EPHB1: variants seen among roughly 807,000 people sequenced by gnomAD.
EPHB1 encodes the protein EPH receptor B1, also known as ephrin type-B receptor 1.
Under a neutral mutation model 94.4 loss-of-function variants are expected in EPHB1, and 30 were observed. That is an observed-to-expected ratio of 0.32 (90% confidence interval 0.24 to 0.43). EPHB1 has a LOEUF of 0.43. EPHB1 is among the 20% of genes least tolerant of loss of function. The probability of loss-of-function intolerance (pLI) is 1.00; values close to 1 mark genes in which losing one functional copy is unlikely to be tolerated. For missense variants in EPHB1, 1,055 were observed against 1,308.3 expected (o/e 0.81, Z 2.99); for synonymous variants, 522 against 489.1 (o/e 1.07, Z -0.89).
chr3:135,129,487 T>A (rs1347644252), intron 4 of EPHB1, among the ~76,000 whole-genome samples: 3 of 152,168 alleles, frequency 2.0e-5, no homozygotes, highest in African/African-American at 7.2e-5. Flanking sequence ...GCATCCTGTC[T>A]CACGCTGGAG....
chr3:135,169,865 A>G (rs1002706382), intron 9 of EPHB1, among the ~76,000 whole-genome samples: 8 of 152,216 alleles, frequency 5.3e-5, no homozygotes, highest in African/African-American at 1.9e-4. Context: ...TGCAGAGCCC[A>G]TGCTCTTTCC....
chr3:135,167,761 T>G (rs1941690262), intron 9 of EPHB1, among the ~76,000 whole-genome samples: 2 of 152,192 alleles, frequency 1.3e-5, no homozygotes, highest in Non-Finnish European at 2.9e-5. Flanking sequence ...AATAATTCCT[T>G]TTGAATTCGA....
chr3:134,890,968 T>A (rs529421164), intron 1 of EPHB1, among the ~76,000 whole-genome samples: 1 of 152,342 alleles, frequency 6.6e-6, no homozygotes, highest in East Asian at 1.9e-4. Flanking sequence ...CTTTGTCACA[T>A]GTATGATCAT....
chr3:134,979,183 A>C (rs540061909), intron 3 of EPHB1, among the ~76,000 whole-genome samples: 1 of 152,298 alleles, frequency 6.6e-6, no homozygotes, highest in Admixed American at 6.5e-5. Context: ...ACTGACAGAG[A>C]AGTGTATTTG....
chr3:135,236,860 C>G (rs544418477), intron 12 of EPHB1, among the ~76,000 whole-genome samples: 1 of 152,198 alleles, frequency 6.6e-6, no homozygotes, highest in Non-Finnish European at 1.5e-5. Flanking sequence ...CTCTGGGCTT[C>G]TCAACAATAA....
At chr3:135,093,195 G>C (rs1938620275) in intron 3 of EPHB1, among the ~76,000 whole-genome samples, 1 of 152,166 alleles carries the variant, frequency 6.6e-6, no homozygotes, top group Admixed American at 6.5e-5. Flanking sequence ...GAGATTTTTA[G>C]GGTACACTAA....
chr3:135,217,422 T>TA (rs1943172341), intron 12 of EPHB1, among the ~76,000 whole-genome samples: 3 of 107,042 alleles, frequency 2.8e-5, no homozygotes, highest in Middle Eastern at 4.6e-3. Context: ...CTCCCATCAG[T>TA]ACCACACACA....
chr3:134,819,283 G>GGGATGGCAGCCTCCCA (rs1307211887), intron 1 of EPHB1, among the ~76,000 whole-genome samples: 1 of 152,048 alleles, frequency 6.6e-6, no homozygotes, highest in Non-Finnish European at 1.5e-5. Context: ...TATGCCTTAG[G>GGGATGGCAGCCTCCCA]GGATGGCAGC....
At chr3:135,042,306 A>T (rs1936876676) in intron 3 of EPHB1, among the ~76,000 whole-genome samples, 1 of 152,128 alleles carries the variant, frequency 6.6e-6, no homozygotes. Context: ...TTATAGCCTA[A>T]TCACCTCTCA....
chr3:135,137,061 T>A (rs1358781608), intron 5 of EPHB1, among the ~76,000 whole-genome samples: 1 of 152,358 alleles, frequency 6.6e-6, no homozygotes, highest in South Asian at 2.1e-4. Context: ...TTCTCTCTTC[T>A]GTCAAATAGA....
In EPHB1 at chr3:134,819,907, C is replaced by T. The variant is rs560243429; in HGVS notation, c.58+24218C>T. ...GCCCAGCGCAGGGGACACATGGACA[C>T]CTGTCATGCCAATTTCTGATTTAAT... On this transcript the variant is annotated intron_variant, in intron 1 of 15. Transcript: ENST00000398015. 8.5e-4 allele frequency among the ~76,000 whole-genome samples: 129 copies of T among 152,332 alleles called. 1 individual carries two copies. Among genetic ancestry groups the T allele is most frequent in the Non-Finnish European group, 1.4e-3 (94 of 68,032 alleles).
At chr3:134,871,813 C>A (rs1191944310) in intron 1 of EPHB1, among the ~76,000 whole-genome samples, 1 of 152,220 alleles carries the variant, frequency 6.6e-6, no homozygotes, top group Non-Finnish European at 1.5e-5. Context: ...CGCTGCTCTT[C>A]CCTCAGTCTT....
intron 9 of EPHB1, among the ~76,000 whole-genome samples, chr3:135,167,843 T>A (rs1459778687): frequency 6.6e-6 from 1 of 152,210 alleles, no homozygotes; most frequent in African/African-American, 2.4e-5. Context: ...GAGCCTCATC[T>A]CACCTCAACC....
intron 4 of EPHB1, among the ~76,000 whole-genome samples, chr3:135,122,276 C>G (rs1316985481): frequency 2.0e-5 from 3 of 152,190 alleles, no homozygotes; most frequent in Non-Finnish European, 4.4e-5. Context: ...CACACTTTGG[C>G]AAGGCTAAGA....
chr3:134,928,937 G>A (rs909496915), intron 2 of EPHB1, among the ~76,000 whole-genome samples: 7 of 151,982 alleles, frequency 4.6e-5, no homozygotes, highest in South Asian at 2.1e-4. Context: ...ATGCTTCTGC[G>A]TGTTAAACAT....
Position 135,098,841 on chromosome 3 carries a change from G to A in EPHB1, c.806-7607G>A, listed in dbSNP as rs141230058. ...AGCCTGGCCAACACGGTAAAACCCC[G>A]TCTGTACTAAAAATACAAAAATTAG... On this transcript the variant is annotated intron_variant, in intron 3 of 15. Transcript: ENST00000398015. Among the ~76,000 whole-genome samples the A allele has an allele frequency of 6.8e-3, 1,031 of 151,852 alleles. 18 individuals carry two copies. Among genetic ancestry groups the A allele is most frequent in the African/African-American group, 0.023 (974 of 41,450 alleles).
chr3:134,982,362 GA>G, intron 3 of EPHB1, among the ~76,000 whole-genome samples: 1 of 152,244 alleles, frequency 6.6e-6, no homozygotes, highest in Non-Finnish European at 1.5e-5. Context: ...AGCAAAGAAG[GA>G]AAAAGAAGGA....
At chr3:134,894,268 C>T (rs1010134521) in intron 1 of EPHB1, among the ~76,000 whole-genome samples, 2 of 152,154 alleles carry the variant, frequency 1.3e-5, no homozygotes, top group South Asian at 2.1e-4. Flanking sequence ...TTCACCACTT[C>T]GGAGTTCAGC....
chr3:135,015,159 T>C (rs1342212511), intron 3 of EPHB1, among the ~76,000 whole-genome samples: 3 of 152,124 alleles, frequency 2.0e-5, no homozygotes, highest in African/African-American at 4.8e-5. Flanking sequence ...TCATGGAGTC[T>C]GACTACATCC....
Sources: allele counts gnomAD v4.1 joint callset (sites outside exome capture counted in the v4.1 genomes callset), GRCh38; gene constraint gnomAD v4.1.1; transcripts MANE v1.5; gene names NCBI Gene and HGNC (gene_info 2026-07-23, HGNC 2026-07-21).